Variants in NANS observed in about 807,000 individuals in gnomAD.
The protein encoded by NANS is N-acetylneuraminate synthase, also known as N-acetylneuraminate-9-phosphate synthase.
A neutral mutation model predicts 33.3 loss-of-function variants in NANS; 29 were observed. The observed-to-expected ratio is 0.87, with a 90% confidence interval of 0.65 to 1.19. The LOEUF (loss-of-function observed/expected upper bound fraction) is 1.19, where lower values mean the gene tolerates loss of function less well. Ranked by LOEUF, NANS falls within the 50% of genes most tolerant of loss-of-function variation. The pLI, the probability that NANS is intolerant of heterozygous loss-of-function variation, is 0.00. For synonymous variants in NANS, 163 were observed against 177.2 expected (o/e 0.92, Z 0.64); for missense variants, 394 against 461.1 (o/e 0.85, Z 1.33).
rs763824205 is a variant in NANS, at chr9:98,082,945, C to T, written c.970C>T (p.Pro324Ser). ...VKVGEPKGYPPEDIFNLVGKK... is the reference protein window; with the variant it reads ...VKVGEPKGYPSEDIFNLVGKK... ...GGTGGGTGAGCCCAAAGGCTATCCT[C>T]CTGAAGACATCTTTAATCTAGTGGG... is the stretch of plus-strand genomic sequence containing the variant. Residue 324 changes from proline to serine, a missense_variant, in exon 6 of 6, where the codon CCT (proline) becomes TCT (serine). Physicochemically the swap from Pro to Ser is moderately conservative, Grantham distance 74. Coordinates refer to ENST00000210444, the MANE Select transcript of NANS (RefSeq NM_018946.4). 1.9e-6 allele frequency: 3 copies of T among 1,613,980 alleles called. No homozygotes were observed. The highest frequency in any genetic ancestry group is 2.7e-5 in the African/African-American group (2 of 74,888).
At chr9:98,073,130 C>CA (rs1452918085) in intron 2 of NANS, among the ~76,000 whole-genome samples, 12 of 152,128 alleles carry the variant, frequency 7.9e-5, no homozygotes, top group Non-Finnish European at 1.2e-4. Flanking sequence ...GCCATCCCAG[C>CA]AAAGCCGCCC....
rs570418881 is a variant in NANS, at chr9:98,056,735, G to A, written c.-74G>A. 1.7e-5 allele frequency: 26 copies of A among 1,553,754 alleles called. No individual in the cohort carries two copies. Among genetic ancestry groups the A allele is most frequent in the African/African-American group, 2.8e-5 (2 of 72,654 alleles). On this transcript the variant is annotated 5_prime_UTR_variant, in exon 1 of 6. Coordinates refer to ENST00000210444, the MANE Select transcript of NANS (RefSeq NM_018946.4). ...TGTGGGTCTCGCAGCGTTGCTCACAGAACAGAGTAGAGGCGGCGGCGGCGG... is the reference window on the plus strand; with the variant it reads ...TGTGGGTCTCGCAGCGTTGCTCACAAAACAGAGTAGAGGCGGCGGCGGCGG...
At position 98,059,695 on chromosome 9, in the gene NANS, A is replaced by G. The variant is rs1828921326; in HGVS notation, c.133-1087A>G. Among the ~76,000 whole-genome samples, 3 of 149,772 alleles carry G rather than the reference A, an allele frequency of 2.0e-5. No individual in the cohort carries two copies. The South Asian group carries it at 6.3e-4, about 31-fold the overall frequency. On this transcript the variant is annotated intron_variant, in intron 1 of 5. Coordinates refer to ENST00000210444, the MANE Select transcript of NANS (RefSeq NM_018946.4). ...CTCTCAAAGTGTTTGGATTATAGGC[A>G]TGGGCCACTGTGCCTGACCTCTTGA... is the stretch of plus-strand genomic sequence containing the variant.
intron 3 of NANS, 92 bp from the exon 4 acceptor site, chr9:98,078,101 G>C: frequency 6.4e-7 from 1 of 1,561,908 alleles, no homozygotes; most frequent in Non-Finnish European, 8.8e-7. Flanking sequence ...GTGGAGTTCA[G>C]TTGAATGATG....
Position 98,080,903 on chromosome 9 carries a change from G to A in NANS, c.691G>A (p.Gly231Arg), listed in dbSNP as rs754447054. Reference protein sequence around the residue: ...IAISVAAVALGAKVLERHITL... With the variant: ...IAISVAAVALRAKVLERHITL... The stretch of plus-strand genomic sequence containing the variant: ...GATATCTGTGGCCGCAGTGGCTCTG[G>A]GGGCCAAGGTGTTGGAACGTCACAT... The change falls in exon 5 of 6, where the codon GGG (glycine) becomes AGG (arginine). Residue 231 changes from glycine to arginine, a missense_variant. Physicochemically the swap from Gly to Arg is moderately radical, Grantham distance 125 (BLOSUM62 -2). Coordinates refer to ENST00000210444, the MANE Select transcript of NANS (RefSeq NM_018946.4). 4.2e-5 allele frequency: 67 copies of A among 1,614,062 alleles called. No homozygotes were observed. The highest frequency in any genetic ancestry group is 5.7e-5 in the Non-Finnish European group (67 of 1,180,026).
At chr9:98,075,027 TG>T (rs1340462469) in intron 2 of NANS, 1 of 152,072 alleles carries the variant, frequency 6.6e-6, no homozygotes, top group East Asian at 1.9e-4. Flanking sequence ...TGGAAGGTAC[TG>T]GGCATGGCAG....
chr9:98,059,882 G>A (rs1264995276), intron 1 of NANS, among the ~76,000 whole-genome samples: 2 of 152,182 alleles, frequency 1.3e-5, no homozygotes, highest in Non-Finnish European at 2.9e-5. Context: ...AAGCGCCAGT[G>A]CAAAGCAGCT....
chr9:98,074,501 T>A (rs1829492713), intron 2 of NANS: 1 of 152,308 alleles, frequency 6.6e-6, no homozygotes, highest in Admixed American at 6.5e-5. Flanking sequence ...AAAGTTAGGA[T>A]CTTCCAGATT....
chr9:98,079,359 C>G (rs189262452), intron 4 of NANS, among the ~76,000 whole-genome samples: 4 of 152,312 alleles, frequency 2.6e-5, no homozygotes, highest in East Asian at 3.9e-4. Flanking sequence ...TCCACACATA[C>G]TAGAATCCTG....
At chr9:98,078,776 A>C (rs1460023980) in intron 4 of NANS, among the ~76,000 whole-genome samples, 2 of 148,540 alleles carry the variant, frequency 1.3e-5, no homozygotes, top group Admixed American at 1.4e-4. Flanking sequence ...CAGAGGTTGC[A>C]GTGAGCCGAG....
At chr9:98,082,557 G>A (rs565879475) in intron 5 of NANS, among the ~76,000 whole-genome samples, 9 of 152,358 alleles carry the variant, frequency 5.9e-5, no homozygotes, top group Non-Finnish European at 1.2e-4. Flanking sequence ...AAACTAAAAC[G>A]TGGCCTATAC....
chr9:98,061,777 TC>T (rs1300276792), intron 2 of NANS, among the ~76,000 whole-genome samples: 27 of 144,314 alleles, frequency 1.9e-4, no homozygotes, highest in Non-Finnish European at 3.6e-4. Context: ...AGATTCCGTC[TC>T]AAAAAAAAAA....
At position 98,080,859 on chromosome 9, in the gene NANS, G is replaced by A; in HGVS notation, c.647G>A (p.Gly216Glu). 1 of 1,611,482 alleles carries A rather than the reference G, an allele frequency of 6.2e-7. No homozygotes were observed. Among genetic ancestry groups the A allele is most frequent in the Non-Finnish European group, 8.5e-7 (1 of 1,177,970 alleles). The change falls in exon 5 of 6, where the codon GGG becomes GAG. Residue 216 changes from glycine (G) to glutamate (E), a missense_variant. Physicochemically the swap from Gly to Glu is moderately conservative, Grantham distance 98. Transcript: ENST00000210444. ...CCTGACATTCCCATAGGGTATTCTGGGCATGAAACAGGCATAGCGATATCT... is the reference window on the plus strand; with the variant it reads ...CCTGACATTCCCATAGGGTATTCTGAGCATGAAACAGGCATAGCGATATCT... ...LFPDIPIGYS[G>E]HETGIAISVA...
At chr9:98,072,887 T>C (rs1394916375) in intron 2 of NANS, among the ~76,000 whole-genome samples, 4 of 152,206 alleles carry the variant, frequency 2.6e-5, no homozygotes, top group Non-Finnish European at 5.9e-5. Context: ...CTCCACACTG[T>C]ATGCTGTTCT....
chr9:98,064,044 A>G (rs1295810637), intron 2 of NANS, among the ~76,000 whole-genome samples: 2 of 152,198 alleles, frequency 1.3e-5, no homozygotes, highest in African/African-American at 2.4e-5. Flanking sequence ...GTTCTAAAAC[A>G]TGTGTGTCGA....
chr9:98,081,991 C>T (rs1306054527), intron 5 of NANS: 1 of 152,198 alleles, frequency 6.6e-6, no homozygotes, highest in Non-Finnish European at 1.5e-5. Flanking sequence ...TAAAACATAA[C>T]AGGATGCATG....
chr9:98,067,295 T>G (rs1027046651), intron 2 of NANS, among the ~76,000 whole-genome samples: 1 of 152,226 alleles, frequency 6.6e-6, no homozygotes, highest in African/African-American at 2.4e-5. Context: ...CTGGGTCACC[T>G]GGTAACTCTA....
At chr9:98,072,912 G>A (rs1002677602) in intron 2 of NANS, among the ~76,000 whole-genome samples, 1 of 152,176 alleles carries the variant, frequency 6.6e-6, no homozygotes, top group Non-Finnish European at 1.5e-5. Flanking sequence ...CGTTCTCTGT[G>A]TGCTGAGGAA....
intron 3 of NANS, among the ~76,000 whole-genome samples, chr9:98,077,826 G>A (rs113657677): frequency 6.6e-6 from 1 of 152,154 alleles, no homozygotes; most frequent in Non-Finnish European, 1.5e-5. Flanking sequence ...AGAAGTGGCA[G>A]CTCCACACCT....
Sources: allele counts gnomAD v4.1 joint callset (sites outside exome capture counted in the v4.1 genomes callset), GRCh38; gene constraint gnomAD v4.1.1; transcripts MANE v1.5; gene names NCBI Gene and HGNC (gene_info 2026-07-23, HGNC 2026-07-21).